Variants in FDFT1 observed in about 807,000 individuals in gnomAD.
The protein encoded by FDFT1 is farnesyl-diphosphate farnesyltransferase 1.
A neutral mutation model predicts 46.8 loss-of-function variants in FDFT1; 68 were observed. The observed-to-expected ratio is 1.45, with a 90% CI of 1.19 to 1.78. The LOEUF (loss-of-function observed/expected upper bound fraction) is 1.78, where lower values mean the gene tolerates loss of function less well. FDFT1 is among the 40% of genes most tolerant of loss of function. FDFT1 has a pLI of 0.00. For missense variants in FDFT1, 928 were observed against 524.4 expected, an observed-to-expected ratio of 1.77 and a Z score of -7.52; for synonymous variants, 351 against 185.1, an observed-to-expected ratio of 1.90 and a Z score of -7.28.
intron 3 of FDFT1, among the ~76,000 whole-genome samples, chr8:11,815,228 C>T (rs1045388873): frequency 5.9e-5 from 9 of 152,156 alleles, no homozygotes; most frequent in African/African-American, 2.4e-5. Context: ...TGTAGTATTC[C>T]ATGGTGTATA....
At chr8:11,797,638 CA>C (rs34350077), upstream of FDFT1, among the ~76,000 whole-genome samples, 1,216 of 75,438 alleles carry the variant, frequency 0.016, 8 homozygotes, top group African/African-American at 0.062. Context: ...CACACACACT[CA>C]AAAAAAAAAA....
At chr8:11,804,983 A>T (rs1387877812) in intron 1 of FDFT1, among the ~76,000 whole-genome samples, 7 of 133,314 alleles carry the variant, frequency 5.3e-5, no homozygotes, top group African/African-American at 2.0e-4. Flanking sequence ...AACATGACTC[A>T]CTCCAGTTTT....
rs574908476 is a variant in FDFT1 at position 11,819,915 on chromosome 8, G to A, written c.382-1835G>A. ...TGGTGAGGAGTTACGTTCCTTTGGAGGAGAAGAGGCGTTCTGTTTTTGGAA... is the reference window on the plus strand; with the variant it reads ...TGGTGAGGAGTTACGTTCCTTTGGAAGAGAAGAGGCGTTCTGTTTTTGGAA... On this transcript the variant is annotated intron_variant, in intron 3 of 7. Coordinates refer to ENST00000220584, the MANE Select transcript of FDFT1 (RefSeq NM_004462.5). Among the ~76,000 whole-genome samples the A allele has an allele frequency of 1.0e-3, 154 of 152,292 alleles. 2 individuals are homozygous for A. In the South Asian group the frequency reaches 0.021, roughly 20 times the overall value.
intron 3 of FDFT1, among the ~76,000 whole-genome samples, chr8:11,821,294 A>C (rs938422843): frequency 6.6e-6 from 1 of 152,200 alleles, no homozygotes; most frequent in African/African-American, 2.4e-5. Flanking sequence ...AAATTTATGA[A>C]ATAATAAGAA....
upstream of FDFT1, chr8:11,802,601 G>T (rs960806403): frequency 6.7e-6 from 4 of 595,056 alleles, no homozygotes; most frequent in Middle Eastern, 2.8e-4. Flanking sequence ...TAGTGTGAGC[G>T]GCCCTGGCCA....
intron 7 of FDFT1, among the ~76,000 whole-genome samples, chr8:11,834,215 G>A (rs1811236480): frequency 6.6e-6 from 1 of 152,192 alleles, no homozygotes; most frequent in South Asian, 2.1e-4. Flanking sequence ...TGCTTAGTGG[G>A]GGCTTGGAGT....
At chr8:11,802,640 G>A, upstream of FDFT1, 1 of 596,018 alleles carries the variant, frequency 1.7e-6, no homozygotes, top group Non-Finnish European at 3.0e-6. Context: ...ACCCCACGAG[G>A]CCGCAGCTAG....
At chr8:11,805,931 G>A (rs561832991) in intron 1 of FDFT1, among the ~76,000 whole-genome samples, 5 of 152,292 alleles carry the variant, frequency 3.3e-5, no homozygotes, top group East Asian at 1.9e-4. Context: ...GGTGATGTCC[G>A]CATTGTGCTT....
chr8:11,834,256 A>G (rs545569815), intron 7 of FDFT1, among the ~76,000 whole-genome samples: 4 of 152,304 alleles, frequency 2.6e-5, no homozygotes, highest in African/African-American at 9.6e-5. Flanking sequence ...GCAGTTGGCC[A>G]CACTGCAGGG....
chr8:11,831,811 T>C (rs1178318832), intron 7 of FDFT1, 141 bp downstream of exon 7: 5 of 738,666 alleles, frequency 6.8e-6, no homozygotes, highest in South Asian at 1.7e-5. Flanking sequence ...TGATATCCTT[T>C]ATAAGGAAAA....
At chr8:11,800,190 G>A (rs923407292), upstream of FDFT1, among the ~76,000 whole-genome samples, 1 of 129,814 alleles carries the variant, frequency 7.7e-6, no homozygotes, top group Non-Finnish European at 1.5e-5. Context: ...GAACCCAGAA[G>A]GCAGAGGTGG....
intron 3 of FDFT1, among the ~76,000 whole-genome samples, chr8:11,818,193 A>C (rs1410850957): frequency 6.6e-6 from 1 of 152,168 alleles, no homozygotes; most frequent in African/African-American, 2.4e-5. Flanking sequence ...ATTAATCCTG[A>C]GTTCTAATTT....
chr8:11,814,389 C>G (rs1808158187), intron 3 of FDFT1, among the ~76,000 whole-genome samples: 1 of 147,968 alleles, frequency 6.8e-6, no homozygotes, highest in Non-Finnish European at 1.5e-5. Context: ...TGGTATGTTG[C>G]AATCAGCCGG....
At position 11,838,587 on chromosome 8, in the gene FDFT1, A is replaced by T; in HGVS notation, c.1232A>T (p.Tyr411Phe). 6.2e-7 allele frequency: 1 copy of T among 1,614,002 alleles called. No homozygotes were observed. The highest frequency in any genetic ancestry group is 8.5e-7 in the Non-Finnish European group (1 of 1,179,898). Residue 411 changes from tyrosine (Y) to phenylalanine (F), a missense_variant, in exon 8 of 8, where the codon TAT (tyrosine) becomes TTT (phenylalanine). Tyr to Phe is a conservative substitution (Grantham distance 22). Coordinates refer to ENST00000220584, the MANE Select transcript of FDFT1 (RefSeq NM_004462.5). ...ACTCTCTCCCAGGTAACAGAAGACT[A>T]TGTTCAGACTGGAGAACACTGATCC... is the stretch of plus-strand genomic sequence containing the variant. ...LTTLSQVTED[Y>F]VQTGEH is the part of the protein sequence containing the mutation.
chr8:11,796,705 T>C (rs1805597357), intron 1 of FDFT1, among the ~76,000 whole-genome samples: 1 of 152,224 alleles, frequency 6.6e-6, no homozygotes, highest in Non-Finnish European at 1.5e-5. Context: ...CTGTGGTTGA[T>C]TCTGAGTTGC....
intron 6 of FDFT1, 94 bp downstream of exon 6, chr8:11,830,514 T>C: frequency 1.1e-6 from 1 of 892,424 alleles, no homozygotes; most frequent in Non-Finnish European, 1.8e-6. Flanking sequence ...AAGGATATGA[T>C]TCCTTAAAAA....
At chr8:11,807,499 A>G (rs1807015495) in intron 1 of FDFT1, among the ~76,000 whole-genome samples, 1 of 151,946 alleles carries the variant, frequency 6.6e-6, no homozygotes, top group Non-Finnish European at 1.5e-5. Flanking sequence ...CCCAAAAAGA[A>G]CTGTTGTAAG....
In FDFT1 at chr8:11,821,655, G is replaced by T. The variant is rs181015772; in HGVS notation, c.382-95G>T. On this transcript the variant is annotated intron_variant, in intron 3 of 7. Coordinates refer to ENST00000220584, the MANE Select transcript of FDFT1 (RefSeq NM_004462.5). ...TTAGGCTTATAGATGAACCATTGCA[G>T]TCATGATTAATTCCGCCATTGTTTG... 87 of 1,423,512 alleles carry T rather than the reference G, an allele frequency of 6.1e-5. No individual in the cohort carries two copies. In the African/African-American group the frequency reaches 7.6e-4, roughly 12 times the overall value. 88.2% of individuals were successfully genotyped at this position (1,423,512 alleles called of 1,614,324 possible). A position where few individuals can be genotyped will look rare whatever the true frequency, so the allele number is the denominator to read the frequency against.
chr8:11,829,792 A>G (rs1351667724), intron 5 of FDFT1, among the ~76,000 whole-genome samples: 1 of 152,188 alleles, frequency 6.6e-6, no homozygotes, highest in Non-Finnish European at 1.5e-5. Flanking sequence ...ATCTTCGTGA[A>G]AGATGAGTCT....
Sources: gnomAD v4.1 joint callset for allele counts (sites outside exome capture counted in the v4.1 genomes callset) on GRCh38, gnomAD v4.1.1 for gene constraint, MANE v1.5 for transcripts, NCBI Gene and HGNC (gene_info 2026-07-23, HGNC 2026-07-21) for gene names.